The following AP3B2 variants were observed in gnomAD, a reference collection of about 807,000 sequenced individuals.
AP3B2 encodes the protein AP-3 complex subunit beta-2.
Under a neutral mutation model 126.9 loss-of-function variants are expected in AP3B2, and 50 were observed. That is an observed-to-expected ratio of 0.39 (90% confidence interval 0.31 to 0.50). AP3B2 has a LOEUF of 0.50. Among genes scored for constraint, AP3B2 ranks in the 20% least tolerant of loss-of-function variants. The pLI is 0.79. For missense variants in AP3B2, 1,177 were observed against 1,426.4 expected (o/e 0.83, Z 2.82); for synonymous variants, 541 against 565.0 (o/e 0.96, Z 0.60).
rs147811093 is a variant in AP3B2, at chr15:82,690,642, C to CTTTT, written c.114-1193_114-1190dup. Among the ~76,000 whole-genome samples the CTTTT allele has an allele frequency of 6.6e-3, 453 of 68,962 alleles. 8 individuals are homozygous for CTTTT. The highest frequency in any genetic ancestry group is 0.018 in the African/African-American group (266 of 15,142). 45.2% of individuals were successfully genotyped at this position (68,962 alleles called of 152,430 possible). A position where few individuals can be genotyped will look rare whatever the true frequency, so the allele number is the denominator to read the frequency against. On this transcript the variant is annotated intron_variant, in intron 1 of 26. Transcript: ENST00000535359. ...TGTATATGTGCCACATTTTCTTCTT[C>CTTTT]TTTTTTTTTTTTTTTTTTTTTTTTT...
chr15:82,690,552 C>T (rs2048509750), intron 1 of AP3B2, among the ~76,000 whole-genome samples: 1 of 150,724 alleles, frequency 6.6e-6, no homozygotes, highest in African/African-American at 2.4e-5. Context: ...TGGTTTCCAG[C>T]TTCATCCATG....
intron 1 of AP3B2, among the ~76,000 whole-genome samples, chr15:82,690,243 A>T (rs1481241670): frequency 6.8e-6 from 1 of 146,178 alleles, no homozygotes; most frequent in African/African-American, 2.5e-5. Context: ...TTTTTTTTTC[A>T]ATTACTAAAC....
At chr15:82,676,756 C>T in intron 13 of AP3B2, 119 bp from the exon 14 acceptor site, 1 of 1,026,528 alleles carries the variant, frequency 9.7e-7, no homozygotes, top group Non-Finnish European at 1.4e-6. Flanking sequence ...TATGGGTTCT[C>T]TGGAAATGGG....
chr15:82,674,292 C>T (rs1220517621), intron 14 of AP3B2, among the ~76,000 whole-genome samples: 1 of 152,178 alleles, frequency 6.6e-6, no homozygotes, highest in South Asian at 2.1e-4. Context: ...CCTCCTAGTA[C>T]CCCAAGGACT....
intron 15 of AP3B2, 98 bp downstream of exon 15, chr15:82,666,649 T>A (rs2048064220): frequency 8.1e-6 from 11 of 1,363,044 alleles, no homozygotes; most frequent in Non-Finnish European, 9.9e-6. Flanking sequence ...CACAGAAGCC[T>A]GGTGCCTGGC....
At chr15:82,675,819 T>A (rs1218065716) in intron 14 of AP3B2, among the ~76,000 whole-genome samples, 2 of 152,192 alleles carry the variant, frequency 1.3e-5, no homozygotes, top group Non-Finnish European at 2.9e-5. Flanking sequence ...GAAATCGTCA[T>A]GGTGTTTGAT....
At chr15:82,679,553 C>T (rs542053978) in intron 10 of AP3B2, among the ~76,000 whole-genome samples, 176 bp downstream of exon 10, 79 of 152,324 alleles carry the variant, frequency 5.2e-4, no homozygotes, top group African/African-American at 1.8e-3. Flanking sequence ...TTCCCTTCTC[C>T]CCCTGACCCT....
chr15:82,709,628 CG>C lies in AP3B2; in HGVS notation c.78del (p.Ala27ArgfsTer16). On this transcript the variant is annotated frameshift_variant, in exon 1 of 27. Transcript: ENST00000535359. LOFTEE classifies it high-confidence loss of function. The part of the protein sequence containing the change: ...GPGEPEYGHD[P>X]ASGGIFSSDY... Reference sequence around the variant, plus strand: ...TCGGAGGAGAAGATGCCGCCGCTCGCGGGGTCGTGGCCGTACTCGGGCTCCC... The same window carrying C: ...TCGGAGGAGAAGATGCCGCCGCTCGCGGGTCGTGGCCGTACTCGGGCTCCC... 1 of 1,516,338 alleles carries C rather than the reference CG, an allele frequency of 6.6e-7. No homozygotes were observed. The highest frequency in any genetic ancestry group is 8.8e-7 in the Non-Finnish European group (1 of 1,134,606). The allele number at this position is 1,516,338 out of a possible 1,614,324, so 93.9% of individuals were successfully genotyped here.
At chr15:82,670,364 C>A (rs1375203135) in intron 14 of AP3B2, among the ~76,000 whole-genome samples, 1 of 152,152 alleles carries the variant, frequency 6.6e-6, no homozygotes, top group Non-Finnish European at 1.5e-5. Flanking sequence ...CCAGCCTCGG[C>A]CTCCCAAGAT....
Position 82,681,633 on chromosome 15 carries a change from G to C in AP3B2, c.361-53C>G. ...TGAAAGGGCACCAGGTGCCCTGATGGGGGGAGGCCACACCTTTGGAAGTCA... is the reference window on the plus strand; with the variant it reads ...TGAAAGGGCACCAGGTGCCCTGATGCGGGGAGGCCACACCTTTGGAAGTCA... On this transcript the variant is annotated intron_variant, in intron 4 of 26. Transcript: ENST00000535359. The surrounding 1 kb of genome is among the most constrained non-coding windows in gnomAD (Gnocchi z 4.0). 6.3e-7 allele frequency: 1 copy of C among 1,576,670 alleles called. No homozygotes were observed. The highest frequency in any genetic ancestry group is 8.6e-7 in the Non-Finnish European group (1 of 1,160,512).
At chr15:82,703,812 C>T (rs905448451) in intron 1 of AP3B2, among the ~76,000 whole-genome samples, 1 of 152,068 alleles carries the variant, frequency 6.6e-6, no homozygotes, top group East Asian at 1.9e-4. Context: ...CCCCAAGCGT[C>T]GCTGCGTCTT....
At chr15:82,689,645 G>C in intron 1 of AP3B2, 192 bp from the exon 2 acceptor site, 1 of 597,970 alleles carries the variant, frequency 1.7e-6, no homozygotes, top group South Asian at 2.0e-5. Context: ...AATATTGTGG[G>C]TTGAACTGTG....
At chr15:82,659,776 C>T in intron 26 of AP3B2, 66 bp from the exon 27 acceptor site, 1 of 1,609,186 alleles carries the variant, frequency 6.2e-7, no homozygotes, top group African/African-American at 1.3e-5. Context: ...AGGGGATCAG[C>T]AGCTGGGGCT....
At chr15:82,674,008 C>G (rs1006694449) in intron 14 of AP3B2, among the ~76,000 whole-genome samples, 2 of 152,136 alleles carry the variant, frequency 1.3e-5, no homozygotes, top group Admixed American at 1.3e-4. Flanking sequence ...ACCAACCCCC[C>G]CATCCCCCGC....
At chr15:82,700,818 C>A (rs144886011) in intron 1 of AP3B2, among the ~76,000 whole-genome samples, 233 of 152,216 alleles carry the variant, frequency 1.5e-3, no homozygotes, top group African/African-American at 5.5e-3. Context: ...GATGAAATCC[C>A]CTGCAGCCCC....
chr15:82,666,533 C>CA (rs2048061655), intron 15 of AP3B2, among the ~76,000 whole-genome samples: 2 of 152,156 alleles, frequency 1.3e-5, no homozygotes, highest in African/African-American at 4.8e-5. Context: ...GCCAGGAAGG[C>CA]AGACCCTCAG....
intron 13 of AP3B2, 131 bp downstream of exon 13, chr15:82,677,143 C>G (rs2048255942): frequency 5.1e-6 from 4 of 781,110 alleles, no homozygotes; most frequent in Non-Finnish European, 8.5e-6. Context: ...GGTCCAGTGT[C>G]TCTGCTCCTT....
Position 82,709,864 on chromosome 15 carries a change from C to G in AP3B2, c.-158G>C. 2.0e-6 allele frequency: 1 copy of G among 506,824 alleles called. No homozygotes were observed. The highest frequency in any genetic ancestry group is 3.2e-6 in the Non-Finnish European group (1 of 308,826). 31.4% of individuals were successfully genotyped at this position (506,824 alleles called of 1,614,324 possible). On this transcript the variant is annotated 5_prime_UTR_variant, in exon 1 of 27. Coordinates refer to ENST00000535359, the MANE Select transcript of AP3B2 (RefSeq NM_001278512.2). ...GCAGTGTGCAGCGGCGGAGGCTGCG[C>G]GCGGATTTCTCAATCAGGGCCGCGC...
In AP3B2 at chr15:82,689,433, A is replaced by C; in HGVS notation, c.134T>G (p.Met45Arg). The C allele has an allele frequency of 6.2e-7, 1 of 1,613,708 alleles. No homozygotes were observed. The highest frequency in any genetic ancestry group is 8.5e-7 in the Non-Finnish European group (1 of 1,179,824). Residue 45 changes from methionine to arginine, a missense_variant, in exon 2 of 27, where the codon ATG (methionine) becomes AGG (arginine). Met to Arg is a moderately conservative substitution (Grantham distance 91). Coordinates refer to ENST00000535359, the MANE Select transcript of AP3B2 (RefSeq NM_001278512.2). ...DYKRHDDLKEMLDTNKDSLKL... is the reference protein window; with the variant it reads ...DYKRHDDLKERLDTNKDSLKL... ...GAGAGAATCCTTGTTGGTGTCCAGC[A>C]TCTCCTTCAGGTCATCATGCCTGGT...
Sources: allele counts gnomAD v4.1 joint callset (sites outside exome capture counted in the v4.1 genomes callset), GRCh38; gene constraint gnomAD v4.1.1; non-coding constraint Gnocchi (gnomAD v3.1); transcripts MANE v1.5; gene names NCBI Gene and HGNC (gene_info 2026-07-23, HGNC 2026-07-21).